Variants in CBFA2T3 observed in about 807,000 individuals in gnomAD.
CBFA2T3 encodes the protein transcriptional corepressor CBFA2T3.
Under a neutral mutation model 58.6 loss-of-function variants are expected in CBFA2T3, and 31 were observed. The observed-to-expected ratio is 0.53, with a 90% CI of 0.40 to 0.71. The LOEUF is 0.71. CBFA2T3 is among the 30% of genes least tolerant of loss of function. The probability of loss-of-function intolerance (pLI) is 0.00; values close to 1 mark genes in which losing one functional copy is unlikely to be tolerated. For synonymous variants in CBFA2T3, 531 were observed against 421.9 expected (o/e 1.26, Z -3.17); for missense variants, 1,076 against 963.1 (o/e 1.12, Z -1.55).
chr16:88,888,798 G>T (rs112595380), intron 5 of CBFA2T3, among the ~76,000 whole-genome samples: 1 of 151,732 alleles, frequency 6.6e-6, no homozygotes, highest in Non-Finnish European at 1.5e-5. Flanking sequence ...CACTGGCCCC[G>T]GGCCCCGGGT....
intron 1 of CBFA2T3, among the ~76,000 whole-genome samples, chr16:88,968,936 C>T (rs556608487): frequency 2.6e-5 from 4 of 152,182 alleles, no homozygotes; most frequent in Non-Finnish European, 4.4e-5. Context: ...GGGTCTGCAG[C>T]GCTGCAGGCC....
intron 1 of CBFA2T3, among the ~76,000 whole-genome samples, chr16:88,962,477 G>T (rs944541232): frequency 1.3e-5 from 2 of 152,214 alleles, no homozygotes; most frequent in African/African-American, 4.8e-5. Context: ...CTTCCTCTGT[G>T]CTCAGCAGGA....
chr16:88,925,771 G>A (rs917282248), intron 1 of CBFA2T3, among the ~76,000 whole-genome samples: 2 of 152,168 alleles, frequency 1.3e-5, no homozygotes, highest in Admixed American at 6.5e-5. Context: ...GTGCTTTCCC[G>A]GGGGCTCAGA....
At chr16:88,904,737 G>A (rs1203860111) in intron 1 of CBFA2T3, among the ~76,000 whole-genome samples, 1 of 152,224 alleles carries the variant, frequency 6.6e-6, no homozygotes, top group African/African-American at 2.4e-5. Context: ...TTGTGCGGGG[G>A]CAGCTGTGCA....
chr16:88,906,690 C>T (rs1040142579), intron 1 of CBFA2T3, among the ~76,000 whole-genome samples: 8 of 152,342 alleles, frequency 5.3e-5, no homozygotes, highest in African/African-American at 4.8e-5. Context: ...ACCGTCTACC[C>T]GCTGCCCCAT....
chr16:88,966,016 C>CA (rs1312030364), intron 1 of CBFA2T3, among the ~76,000 whole-genome samples: 2 of 152,192 alleles, frequency 1.3e-5, no homozygotes, highest in African/African-American at 4.8e-5. Flanking sequence ...AGAGAGACCC[C>CA]ACAGAGCATG....
chr16:88,931,898 C>T (rs1359282716), intron 1 of CBFA2T3, among the ~76,000 whole-genome samples: 6 of 152,040 alleles, frequency 3.9e-5, no homozygotes, highest in South Asian at 4.1e-4. Flanking sequence ...GTAAGCACTT[C>T]GCCGGGGCAC....
Position 88,909,045 on chromosome 16 carries a change from G to A in CBFA2T3, c.152-7389C>T, listed in dbSNP as rs781108811. On this transcript the variant is annotated intron_variant, in intron 1 of 11. Transcript: ENST00000268679. ...GGGCACCGGCTCTGCCCTTCCTGGA[G>A]CTGACCACAGGCCCCAGGCAGGGGA... Among the ~76,000 whole-genome samples, 47 of 152,210 alleles carry A rather than the reference G, an allele frequency of 3.1e-4. 1 individual carries two copies. The highest frequency in any genetic ancestry group is 1.8e-4 in the Non-Finnish European group (12 of 68,042).
At chr16:88,957,273 G>A (rs1178598669) in intron 1 of CBFA2T3, among the ~76,000 whole-genome samples, 1 of 152,240 alleles carries the variant, frequency 6.6e-6, no homozygotes, top group Non-Finnish European at 1.5e-5. Context: ...GGCCCCAGAG[G>A]TTCCTGGTCA....
At position 88,913,706 on chromosome 16, in the gene CBFA2T3, A is replaced by T. The variant is rs185228336; in HGVS notation, c.152-12050T>A. On this transcript the variant is annotated intron_variant, in intron 1 of 11. Coordinates refer to ENST00000268679, the MANE Select transcript of CBFA2T3 (RefSeq NM_005187.6). ...GAATGCATTCTCAGGACATGTGCACAAACAGTGATCTACAAGGATGTTTGT... is the reference window on the plus strand; with the variant it reads ...GAATGCATTCTCAGGACATGTGCACTAACAGTGATCTACAAGGATGTTTGT... 4.6e-3 allele frequency among the ~76,000 whole-genome samples: 695 copies of T among 152,296 alleles called. 7 individuals are homozygous for T. The highest frequency in any genetic ancestry group is 0.036 in the South Asian group (174 of 4,824).
chr16:88,880,884 G>A (rs1243086207), intron 9 of CBFA2T3, 96 bp from the exon 10 acceptor site: 12 of 1,134,698 alleles, frequency 1.1e-5, no homozygotes, highest in Admixed American at 2.0e-5. Context: ...AGTGCAGGGC[G>A]TGAGTGTGTG....
intron 1 of CBFA2T3, among the ~76,000 whole-genome samples, chr16:88,943,259 G>A (rs1971804565): frequency 1.3e-5 from 2 of 152,224 alleles, no homozygotes; most frequent in African/African-American, 4.8e-5. Context: ...GGGCCTGGGA[G>A]CAGAAGCTGG....
chr16:88,952,812 A>G (rs1278418672), intron 1 of CBFA2T3, among the ~76,000 whole-genome samples: 1 of 152,028 alleles, frequency 6.6e-6, no homozygotes, highest in African/African-American at 2.4e-5. Context: ...TTCTCCCTCA[A>G]CAAATACTTG....
rs191326807 is a variant in CBFA2T3, at chr16:88,912,552, C to T, written c.152-10896G>A. Among the ~76,000 whole-genome samples the T allele has an allele frequency of 4.2e-3, 644 of 152,308 alleles. 9 individuals carry two copies. Among genetic ancestry groups the T allele is most frequent in the African/African-American group, 0.015 (620 of 41,570 alleles). ...CTGACCGCCCATGTCCCTGCCCCCACGCTCTCTGCCCCATCACCCATTTTT... is the reference window on the plus strand; with the variant it reads ...CTGACCGCCCATGTCCCTGCCCCCATGCTCTCTGCCCCATCACCCATTTTT... On this transcript the variant is annotated intron_variant, in intron 1 of 11. Coordinates refer to ENST00000268679, the MANE Select transcript of CBFA2T3 (RefSeq NM_005187.6).
chr16:88,925,029 G>C (rs144759914), intron 1 of CBFA2T3, among the ~76,000 whole-genome samples: 2 of 152,340 alleles, frequency 1.3e-5, no homozygotes, highest in African/African-American at 2.4e-5. Flanking sequence ...CTGTGTCTGC[G>C]AGGGGTCTCA....
In CBFA2T3 at chr16:88,891,381, G is replaced by A. The variant is rs377038268; in HGVS notation, c.711+501C>T. On this transcript the variant is annotated intron_variant, in intron 5 of 11. Transcript: ENST00000268679. ...ACACGCCTCCAAGCAAAGGACTTTC[G>A]GAATACTTCTCCACCACGTGCAGCT... Among the ~76,000 whole-genome samples, 48 of 152,262 alleles carry A rather than the reference G, an allele frequency of 3.2e-4. No homozygotes were observed. In the South Asian group the frequency reaches 3.7e-3, roughly 12 times the overall value.
intron 3 of CBFA2T3, among the ~76,000 whole-genome samples, chr16:88,895,067 T>C (rs1329536686): frequency 6.6e-6 from 1 of 152,106 alleles, no homozygotes; most frequent in African/African-American, 2.4e-5. Flanking sequence ...GGAGGGAACA[T>C]GGGACGTGGG....
intron 3 of CBFA2T3, among the ~76,000 whole-genome samples, chr16:88,895,363 T>G (rs1427350330): frequency 1.3e-5 from 2 of 152,130 alleles, no homozygotes; most frequent in Admixed American, 1.3e-4. Context: ...TAGTGGCACC[T>G]GCGAAGTGCG....
At chr16:88,897,984 A>T (rs1969951452) in intron 3 of CBFA2T3, 94 bp downstream of exon 3, 1 of 904,898 alleles carries the variant, frequency 1.1e-6, no homozygotes, top group East Asian at 2.4e-5. Context: ...CGGGGAGGAG[A>T]GCTGAGCGCC....
Sources: allele counts gnomAD v4.1 joint callset (sites outside exome capture counted in the v4.1 genomes callset), GRCh38; gene constraint gnomAD v4.1.1; transcripts MANE v1.5; gene names NCBI Gene and HGNC (gene_info 2026-07-23, HGNC 2026-07-21).